Variants in EIF2D observed in about 807,000 individuals in gnomAD.
EIF2D encodes hepatocellular carcinoma-associated antigen 56.
A neutral mutation model predicts 77.4 loss-of-function variants in EIF2D; 56 were observed. That is an observed-to-expected ratio of 0.72 (90% CI 0.58 to 0.90). The LOEUF is 0.90. Among genes scored for constraint, EIF2D ranks in the 40% least tolerant of loss-of-function variants. The pLI, the probability that EIF2D is intolerant of heterozygous loss-of-function variation, is 0.00. For missense variants in EIF2D, 574 were observed against 706.5 expected (o/e 0.81, Z 2.13); for synonymous variants, 230 against 271.0 (o/e 0.85, Z 1.49).
chr1:206,607,295 C>T (rs1000371563), intron 4 of EIF2D, among the ~76,000 whole-genome samples: 3 of 152,200 alleles, frequency 2.0e-5, no homozygotes, highest in Non-Finnish European at 4.4e-5. Flanking sequence ...TTTAAACACA[C>T]ATACCCTAAG....
chr1:206,605,346 T>C (rs757017159), intron 5 of EIF2D, 54 bp downstream of exon 5: 4 of 1,440,434 alleles, frequency 2.8e-6, no homozygotes, highest in Non-Finnish European at 3.9e-6. Flanking sequence ...ACAGGCCCCA[T>C]CCTCTCCCCA....
In EIF2D at chr1:206,611,367, G is replaced by A; in HGVS notation, c.64C>T (p.Leu22Phe). 1 of 1,613,386 alleles carries A rather than the reference G, an allele frequency of 6.2e-7. No individual in the cohort carries two copies. Among genetic ancestry groups the A allele is most frequent in the Non-Finnish European group, 8.5e-7 (1 of 1,179,470 alleles). Reference sequence around the variant, plus strand: ...AAAGCAGTTGTCACATCAGCTCGAAGCTTTCTCCTGTGGAAAGCACACCAG... The same window carrying A: ...AAAGCAGTTGTCACATCAGCTCGAAACTTTCTCCTGTGGAAAGCACACCAG... The part of the protein sequence containing the change: ...TAIKGSDRRK[L>F]RADVTTAFPT... Residue 22 changes from leucine to phenylalanine, a missense_variant, in exon 2 of 15, where the codon CTT (leucine) becomes TTT (phenylalanine). By Grantham distance (22) the Leu-to-Phe change is conservative. Coordinates refer to ENST00000271764, the MANE Select transcript of EIF2D (RefSeq NM_006893.3).
downstream of EIF2D, among the ~76,000 whole-genome samples, chr1:206,569,903 TGATG>T (rs1668394059): frequency 6.6e-6 from 1 of 152,046 alleles, no homozygotes; most frequent in African/African-American, 2.4e-5. Context: ...GGGCTTGGCG[TGATG>T]GAGGCCCAGT....
intron 3 of EIF2D, 70 bp from the exon 4 acceptor site, chr1:206,608,396 TC>T: frequency 7.7e-7 from 1 of 1,297,538 alleles, no homozygotes; most frequent in Non-Finnish European, 1.1e-6. Context: ...CTTCATCATT[TC>T]CTCACTCGCT....
rs1553409929 is a variant in EIF2D at position 206,595,789 on chromosome 1, C to T, written c.1438G>A (p.Glu480Lys). Residue 480 changes from glutamate (E) to lysine (K), a missense_variant, in exon 13 of 15, where the codon GAG (glutamate) becomes AAG (lysine). Coordinates refer to ENST00000271764, the MANE Select transcript of EIF2D (RefSeq NM_006893.3). ...PAYQVTLPGQ[E>K]PIVKKGRICP... ...ATTCTCCCTTTCTTCACAATGGGCT[C>T]TTGTCCGGGAAGGGTCACTTGATAG... The T allele has an allele frequency of 6.2e-7, 1 of 1,614,186 alleles. No individual in the cohort carries two copies. Among genetic ancestry groups the T allele is most frequent in the Non-Finnish European group, 8.5e-7 (1 of 1,180,008 alleles).
At position 206,574,617 on chromosome 1, in the gene EIF2D, G is replaced by A. The variant is rs114056425; in HGVS notation, c.*255-1918C>T. Reference sequence around the variant, plus strand: ...CATGATAAAGCCCCTTCCCTGCTCTGCTGCAAATAACCTATTAGGGAACAC... The same window carrying A: ...CATGATAAAGCCCCTTCCCTGCTCTACTGCAAATAACCTATTAGGGAACAC... On this transcript the variant is annotated intron_variant and NMD_transcript_variant, in intron 4 of 5. Coordinates refer to the EIF2D transcript ENST00000472709. 4.2e-3 allele frequency among the ~76,000 whole-genome samples: 645 copies of A among 152,228 alleles called. 5 individuals carry two copies. Among genetic ancestry groups the A allele is most frequent in the African/African-American group, 0.015 (614 of 41,516 alleles).
chr1:206,599,597 G>T lies in EIF2D; in HGVS notation c.1068C>A (p.Val356=), dbSNP rs781923161. The T allele has an allele frequency of 6.3e-7, 1 of 1,599,038 alleles. No individual in the cohort carries two copies. Among genetic ancestry groups the T allele is most frequent in the Non-Finnish European group, 8.5e-7 (1 of 1,172,656 alleles). Residue 356 remains valine, a synonymous_variant, in exon 10 of 15, where the codon GTC becomes GTA. Coordinates refer to ENST00000271764, the MANE Select transcript of EIF2D (RefSeq NM_006893.3). The surrounding 1 kb of genome is among the most constrained non-coding windows in gnomAD (Gnocchi z 4.1). ...GGGAGGTCGGGGAGGGCTCGGGTAT[G>T]ACGAAAGATGTAATCCTAAAACCCA... ...DWKHPRITSF[V]IPEPSPTSQT... is the part of the protein sequence containing the mutation.
At chr1:206,609,535 T>C (rs1670369880) in intron 2 of EIF2D, 76 bp from the exon 3 acceptor site, 8 of 1,206,564 alleles carry the variant, frequency 6.6e-6, no homozygotes, top group Non-Finnish European at 9.6e-6. Context: ...CCTAACACTA[T>C]GGTCACTTTA....
At chr1:206,589,381 A>G (rs1222523239), downstream of EIF2D, 4 of 152,600 alleles carry the variant, frequency 2.6e-5, no homozygotes, top group African/African-American at 9.7e-5. Context: ...GTGGAGTCAG[A>G]TTTTCTTTTG....
chr1:206,605,733 T>C (rs1305257703), intron 4 of EIF2D, among the ~76,000 whole-genome samples: 2 of 152,262 alleles, frequency 1.3e-5, no homozygotes, highest in Admixed American at 1.3e-4. Flanking sequence ...AACTTCTGTA[T>C]TAGTAACTCC....
At chr1:206,610,466 C>G (rs1670415347) in intron 2 of EIF2D, among the ~76,000 whole-genome samples, 1 of 152,100 alleles carries the variant, frequency 6.6e-6, no homozygotes, top group African/African-American at 2.4e-5. Flanking sequence ...TTACAGTTAG[C>G]TACGATCACA....
chr1:206,608,822 C>T (rs1398617183), intron 3 of EIF2D, among the ~76,000 whole-genome samples: 3 of 152,190 alleles, frequency 2.0e-5, no homozygotes, highest in Admixed American at 6.5e-5. Flanking sequence ...GAGGCCAAGG[C>T]GGGCAGTTGA....
At chr1:206,598,634 T>C (rs1553410642) in intron 11 of EIF2D, among the ~76,000 whole-genome samples, 1 of 66,822 alleles carries the variant, frequency 1.5e-5, no homozygotes, top group African/African-American at 9.1e-5. Context: ...TGTAACAAAA[T>C]ACCATGCACC....
chr1:206,571,405 T>C (rs1668444652), exon 6 of EIF2D: 1 of 151,558 alleles, frequency 6.6e-6, no homozygotes, highest in Admixed American at 6.6e-5. Flanking sequence ...TAGGAGAGAG[T>C]TGGCCTGGGA....
downstream of EIF2D, chr1:206,587,628 T>TCTGGCC (rs1410427605): frequency 3.2e-5 from 5 of 154,718 alleles, no homozygotes; most frequent in East Asian, 7.5e-4. Context: ...TGGCCCTGGC[T>TCTGGCC]CTGGCCCTGG....
At chr1:206,597,295 C>T (rs1669698473) in intron 11 of EIF2D, 100 bp from the exon 12 acceptor site, 3 of 830,820 alleles carry the variant, frequency 3.6e-6, no homozygotes, top group East Asian at 5.4e-5. Flanking sequence ...TATAGACATT[C>T]AGGATATGAA....
chr1:206,574,403 C>G (rs1311640721), intron 4 of EIF2D, among the ~76,000 whole-genome samples: 1 of 152,232 alleles, frequency 6.6e-6, no homozygotes, highest in Non-Finnish European at 1.5e-5. Flanking sequence ...CTTTCACGAT[C>G]CTCACCCATA....
At chr1:206,593,512 T>TGC in intron 14 of EIF2D, 107 bp downstream of exon 14, 10 of 506,336 alleles carry the variant, frequency 2.0e-5, no homozygotes, top group South Asian at 5.8e-5. Context: ...AGAGAGAGTG[T>TGC]GTGTGTGTGT....
intron 2 of EIF2D, among the ~76,000 whole-genome samples, chr1:206,610,108 C>T (rs1359572085): frequency 2.0e-5 from 3 of 152,198 alleles, no homozygotes; most frequent in Non-Finnish European, 4.4e-5. Context: ...CCTGTGAGAC[C>T]TATGGTTAAA....
Sources: allele counts gnomAD v4.1 joint callset (sites outside exome capture counted in the v4.1 genomes callset), GRCh38; gene constraint gnomAD v4.1.1; non-coding constraint Gnocchi (gnomAD v3.1); transcripts MANE v1.5; gene names NCBI Gene and HGNC (gene_info 2026-07-23, HGNC 2026-07-21).